Variants in UGT2B4 observed in about 807,000 individuals in gnomAD.
UGT2B4 encodes UDP glucuronosyltransferase family 2 member B4.
In UGT2B4, 49 loss-of-function variants were observed where a neutral mutation model predicts 49.8. The observed-to-expected ratio is 0.98, with a 90% confidence interval of 0.78 to 1.25. UGT2B4 has a LOEUF of 1.25. UGT2B4 is among the 50% of genes most tolerant of loss of function. UGT2B4 has a pLI of 0.00. For synonymous variants in UGT2B4, 246 were observed against 217.7 expected (o/e 1.13, Z -1.14); for missense variants, 729 against 627.7 (o/e 1.16, Z -1.73).
intron 5 of UGT2B4, 114 bp from the exon 6 acceptor site, chr4:69,481,024 G>A (rs1044160936): frequency 1.5e-5 from 17 of 1,127,180 alleles, no homozygotes; most frequent in Non-Finnish European, 2.1e-5. Flanking sequence ...GGATCACGAG[G>A]TCAGGAGATC....
At chr4:69,489,083 G>A (rs1410570169) in intron 3 of UGT2B4, among the ~76,000 whole-genome samples, 1 of 152,080 alleles carries the variant, frequency 6.6e-6, no homozygotes, top group Non-Finnish European at 1.5e-5. Flanking sequence ...ACACCTGTAG[G>A]ATGTACATCG....
At position 69,486,701 on chromosome 4, in the gene UGT2B4, T is replaced by C. The variant is rs776709387; in HGVS notation, c.1003-5A>G. ...CCCATCAAATCTCCACAGAACCTGTTACAGTGAAGAAAATATCTTATTCCA... is the reference window on the plus strand; with the variant it reads ...CCCATCAAATCTCCACAGAACCTGTCACAGTGAAGAAAATATCTTATTCCA... On this transcript the variant is annotated splice_region_variant and splice_polypyrimidine_tract_variant and intron_variant, in intron 3 of 5. Coordinates refer to ENST00000305107, the MANE Select transcript of UGT2B4 (RefSeq NM_021139.3). 3.1e-6 allele frequency: 5 copies of C among 1,592,992 alleles called. No homozygotes were observed. Among genetic ancestry groups the C allele is most frequent in the African/African-American group, 1.4e-5 (1 of 73,918 alleles).
At chr4:69,500,336 G>A (rs951596052), upstream of UGT2B4, among the ~76,000 whole-genome samples, 3 of 151,948 alleles carry the variant, frequency 2.0e-5, no homozygotes, top group Middle Eastern at 3.4e-3. Flanking sequence ...AAACCACCAT[G>A]GCACATATTT....
intron 5 of UGT2B4, among the ~76,000 whole-genome samples, chr4:69,484,765 T>C (rs1450472847): frequency 1.3e-5 from 2 of 152,122 alleles, no homozygotes; most frequent in Admixed American, 1.3e-4. Context: ...AATAGGTCGG[T>C]TTTATGCTAT....
In UGT2B4 at chr4:69,501,256, G is replaced by T. The variant is rs113741328; in HGVS notation, c.-105-5290C>A. On this transcript the variant is annotated intron_variant, in intron 1 of 1. Transcript: ENST00000510114. The stretch of plus-strand genomic sequence containing the variant: ...TCCAGATGAACTGGGCCGGGGGCGG[G>T]TGGAAGGAATCCCTCAGCTGTTGCA... Among the ~76,000 whole-genome samples the T allele has an allele frequency of 6.4e-5, 9 of 139,704 alleles. 1 individual carries two copies. The highest frequency in any genetic ancestry group is 2.3e-4 in the African/African-American group (9 of 38,500). The allele number at this position is 139,704 out of a possible 152,430, so 91.7% of individuals were successfully genotyped here.
chr4:69,510,839 A>G (rs962432317), intron 1 of UGT2B4, among the ~76,000 whole-genome samples: 1 of 152,088 alleles, frequency 6.6e-6, no homozygotes, highest in Non-Finnish European at 1.5e-5. Flanking sequence ...CTGGTACTCC[A>G]GTACTATGTG....
chr4:69,501,505 C>T (rs766332465), intron 1 of UGT2B4, among the ~76,000 whole-genome samples: 2 of 151,968 alleles, frequency 1.3e-5, no homozygotes, highest in Non-Finnish European at 2.9e-5. Flanking sequence ...AGGCTTTGAA[C>T]AGTCCAAGAT....
At chr4:69,524,472 ATATCT>A (rs1247702401) in intron 1 of UGT2B4, among the ~76,000 whole-genome samples, 1 of 151,862 alleles carries the variant, frequency 6.6e-6, no homozygotes, top group Non-Finnish European at 1.5e-5. Context: ...AATAAGTTTG[ATATCT>A]TATATGGGCA....
At chr4:69,488,980 A>G (rs1727898970) in intron 3 of UGT2B4, among the ~76,000 whole-genome samples, 1 of 152,138 alleles carries the variant, frequency 6.6e-6, no homozygotes, top group Admixed American at 6.6e-5. Context: ...TAACATGGCA[A>G]CACTAAACTG....
At chr4:69,504,369 CTACTT>C (rs1238768461) in intron 1 of UGT2B4, among the ~76,000 whole-genome samples, 5 of 152,100 alleles carry the variant, frequency 3.3e-5, no homozygotes, top group African/African-American at 7.2e-5. Context: ...ATAAAGAACT[CTACTT>C]TACAAAGTAA....
In UGT2B4 at chr4:69,486,464, G is replaced by A. The variant is rs41297423; in HGVS notation, c.1090+145C>T. 512 of 460,446 alleles carry A rather than the reference G, an allele frequency of 1.1e-3. 4 individuals carry two copies. In the East Asian group the frequency reaches 0.019, roughly 17 times the overall value. The allele number at this position is 460,446 out of a possible 1,614,324, so 28.5% of individuals were successfully genotyped here. On this transcript the variant is annotated intron_variant, in intron 4 of 5. Coordinates refer to ENST00000305107, the MANE Select transcript of UGT2B4 (RefSeq NM_021139.3). ...TGCCAACAATTTATTCTTTTCCCCC[G>A]GGACTGGAAAATAAATATAAAGAAG...
chr4:69,513,367 C>T (rs1013822153), intron 1 of UGT2B4, among the ~76,000 whole-genome samples: 1 of 152,016 alleles, frequency 6.6e-6, no homozygotes, highest in African/African-American at 2.4e-5. Context: ...TTTATTTTGT[C>T]AAGTTTGTGG....
Position 69,480,521 on chromosome 4 carries a change from A to G in UGT2B4, c.*113T>C. The G allele has an allele frequency of 6.7e-7, 1 of 1,485,230 alleles. No homozygotes were observed. 92.0% of individuals were successfully genotyped at this position (1,485,230 alleles called of 1,614,324 possible). A position where few individuals can be genotyped will look rare whatever the true frequency, so the allele number is the denominator to read the frequency against. On this transcript the variant is annotated 3_prime_UTR_variant, in exon 6 of 6. Transcript: ENST00000305107. ...TTTTGACTTGACAAGGTAAGTTTTG[A>G]AAGATGTTTTGTCACAAGAAGAAAG...
Position 69,480,614 on chromosome 4 carries a change from G to A in UGT2B4, c.*20C>T, listed in dbSNP as rs1560429728. The stretch of plus-strand genomic sequence containing the variant: ...AGGAGTTCATTTATTGGGTTTCCCA[G>A]CTTCCAGCCTCAGACGTAATTAATC... On this transcript the variant is annotated 3_prime_UTR_variant, in exon 6 of 6. Coordinates refer to ENST00000305107, the MANE Select transcript of UGT2B4 (RefSeq NM_021139.3). 3.1e-6 allele frequency: 5 copies of A among 1,608,276 alleles called. No homozygotes were observed. Among genetic ancestry groups the A allele is most frequent in the Middle Eastern group, 3.3e-4 (2 of 6,010 alleles).
Position 69,483,937 on chromosome 4 carries a change from G to A in UGT2B4, c.1310+1271C>T, listed in dbSNP as rs138967504. Among the ~76,000 whole-genome samples, 1,271 of 152,030 alleles carry A rather than the reference G, an allele frequency of 8.4e-3. 21 individuals are homozygous for A. The highest frequency in any genetic ancestry group is 0.024 in the Middle Eastern group (7 of 294). On this transcript the variant is annotated intron_variant, in intron 5 of 5. Coordinates refer to ENST00000305107, the MANE Select transcript of UGT2B4 (RefSeq NM_021139.3). ...GGATTGTATCCATAATACATAAATAGTTCTTATATAAAACTCAATAATAAG... is the reference window on the plus strand; with the variant it reads ...GGATTGTATCCATAATACATAAATAATTCTTATATAAAACTCAATAATAAG...
chr4:69,525,720 CA>C, exon 1 of UGT2B4: 3 of 1,277,350 alleles, frequency 2.3e-6, no homozygotes, highest in Non-Finnish European at 2.0e-6. Context: ...TGTAAGAGAG[CA>C]AAAAACATTA....
chr4:69,510,977 C>CCTTTTTTT (rs1486311871), intron 1 of UGT2B4, among the ~76,000 whole-genome samples: 1 of 98,166 alleles, frequency 1.0e-5, no homozygotes, highest in Non-Finnish European at 2.1e-5. Context: ...AATACTCTTT[C>CCTTTTTTT]TTTTCTTTTC....
intron 2 of UGT2B4, among the ~76,000 whole-genome samples, chr4:69,492,666 AAAAT>A (rs1375753853): frequency 4.6e-5 from 7 of 152,150 alleles, no homozygotes; most frequent in African/African-American, 1.7e-4. Flanking sequence ...AGTAATAACA[AAAAT>A]AACCATAATT....
In UGT2B4 at chr4:69,480,549, ATC is replaced by A; in HGVS notation, c.*83_*84del. 1 of 1,511,988 alleles carries A rather than the reference ATC, an allele frequency of 6.6e-7. No individual in the cohort carries two copies. 93.7% of individuals were successfully genotyped at this position (1,511,988 alleles called of 1,614,324 possible). A position where few individuals can be genotyped will look rare whatever the true frequency, so the allele number is the denominator to read the frequency against. On this transcript the variant is annotated 3_prime_UTR_variant, in exon 6 of 6. Transcript: ENST00000305107. ...GATGTTTTGTCACAAGAAGAAAGGA[ATC>A]TCTTGTATCACAACGTCTTCTTGTT...
Sources: gnomAD v4.1 joint callset for allele counts (sites outside exome capture counted in the v4.1 genomes callset) on GRCh38, gnomAD v4.1.1 for gene constraint, MANE v1.5 for transcripts, NCBI Gene and HGNC (gene_info 2026-07-23, HGNC 2026-07-21) for gene names.